TCF3: variants seen among roughly 807,000 people sequenced by gnomAD.
TCF3 encodes the protein transcription factor 3, also known as transcription factor E2-alpha.
Under a neutral mutation model 72.3 loss-of-function variants are expected in TCF3, and 54 were observed. The observed-to-expected ratio is 0.75, with a 90% CI of 0.60 to 0.94. The LOEUF is 0.94. Among genes scored for constraint, TCF3 ranks in the 40% least tolerant of loss-of-function variants. The pLI is 0.00. For missense variants in TCF3, 1,078 were observed against 934.4 expected (o/e 1.15, Z -2.00); for synonymous variants, 525 against 412.6 (o/e 1.27, Z -3.30).
In TCF3 at chr19:1,621,201, A is replaced by T; in HGVS notation, c.956-10T>A. On this transcript the variant is annotated splice_polypyrimidine_tract_variant and intron_variant, in intron 11 of 18. Coordinates refer to ENST00000262965, the MANE Select transcript of TCF3 (RefSeq NM_003200.5). ...GTGGTCCCTCGGGAGCCTGTGGGTG[A>T]AGAGAGGTGAGGCCCACGCAGCCCG... 6.5e-7 allele frequency: 1 copy of T among 1,534,656 alleles called. No homozygotes were observed. Among genetic ancestry groups the T allele is most frequent in the Non-Finnish European group, 8.7e-7 (1 of 1,145,824 alleles).
chr19:1,646,250 T>G, intron 3 of TCF3, 105 bp downstream of exon 3: 4 of 1,241,912 alleles, frequency 3.2e-6, no homozygotes, highest in Non-Finnish European at 4.5e-6. Flanking sequence ...CCTTTCCCCA[T>G]TGTCTCCCTC....
chr19:1,638,863 G>C (rs747223181), intron 3 of TCF3, among the ~76,000 whole-genome samples: 1 of 152,176 alleles, frequency 6.6e-6, no homozygotes, highest in Non-Finnish European at 1.5e-5. Flanking sequence ...TAAGACGATG[G>C]AAGGAAAAGC....
At chr19:1,626,022 C>T (rs1228029816) in intron 6 of TCF3, among the ~76,000 whole-genome samples, 1 of 152,192 alleles carries the variant, frequency 6.6e-6, no homozygotes, top group Non-Finnish European at 1.5e-5. Flanking sequence ...TCTGTGCACC[C>T]GGCTGCTTCC....
chr19:1,642,767 C>A (rs1433442357), intron 3 of TCF3, among the ~76,000 whole-genome samples: 1 of 152,162 alleles, frequency 6.6e-6, no homozygotes, highest in Non-Finnish European at 1.5e-5. Context: ...CCACCGCGCC[C>A]GGTCACAAGG....
chr19:1,630,896 T>C (rs1239257037), intron 5 of TCF3, among the ~76,000 whole-genome samples: 1 of 152,126 alleles, frequency 6.6e-6, no homozygotes, highest in Non-Finnish European at 1.5e-5. Flanking sequence ...GCTCGGGGCA[T>C]TTCCTGTGTC....
At chr19:1,645,209 G>A (rs936067092) in intron 3 of TCF3, among the ~76,000 whole-genome samples, 1 of 152,052 alleles carries the variant, frequency 6.6e-6, no homozygotes, top group Non-Finnish European at 1.5e-5. Flanking sequence ...ATAACTGCAG[G>A]ACGGCGCTTT....
At position 1,621,051 on chromosome 19, in the gene TCF3, G is replaced by A. The variant is rs777550040; in HGVS notation, c.1015-5C>T. 103 of 1,522,514 alleles carry A rather than the reference G, an allele frequency of 6.8e-5. No homozygotes were observed. In the Middle Eastern group the frequency reaches 1.4e-3, roughly 20 times the overall value. 94.3% of individuals were successfully genotyped at this position (1,522,514 alleles called of 1,614,324 possible). A position where few individuals can be genotyped will look rare whatever the true frequency, so the allele number is the denominator to read the frequency against. ...TGAGTGATCCGGGGAGTAGATCTGC[G>A]AGGAGGACCAGGAGAGATGGGCGGT... On this transcript the variant is annotated splice_region_variant and splice_polypyrimidine_tract_variant and intron_variant, in intron 12 of 18. Transcript: ENST00000262965.
In TCF3 at chr19:1,619,291, A is replaced by G. The variant is rs200877539; in HGVS notation, c.1326+25T>C. ...GGAGCCGGGTCCCCGCCCACTGCCC[A>G]GCTCCACCCTCGCCCAGCGCTCACC... On this transcript the variant is annotated intron_variant, in intron 15 of 18. Coordinates refer to ENST00000262965, the MANE Select transcript of TCF3 (RefSeq NM_003200.5). 7.1e-4 allele frequency: 1,120 copies of G among 1,568,446 alleles called. 1 individual carries two copies. Among genetic ancestry groups the G allele is most frequent in the Non-Finnish European group, 8.9e-4 (1,037 of 1,163,350 alleles).
At chr19:1,651,588 T>C (rs2145834244) in intron 1 of TCF3, among the ~76,000 whole-genome samples, 1 of 152,222 alleles carries the variant, frequency 6.6e-6, no homozygotes, top group Non-Finnish European at 1.5e-5. Context: ...CCAAGGACTT[T>C]GAGAGACTTG....
At chr19:1,640,990 A>C (rs2065155136) in intron 3 of TCF3, among the ~76,000 whole-genome samples, 1 of 151,998 alleles carries the variant, frequency 6.6e-6, no homozygotes, top group Non-Finnish European at 1.5e-5. Context: ...CTCTACTAAA[A>C]CTACAAAAAA....
intron 7 of TCF3, among the ~76,000 whole-genome samples, chr19:1,624,643 G>A (rs2062660959): frequency 6.6e-6 from 1 of 152,156 alleles, no homozygotes; most frequent in Admixed American, 6.5e-5. Context: ...CTCGCCTACA[G>A]GATAAAATCC....
chr19:1,620,698 C>G (rs2062083717), intron 13 of TCF3, among the ~76,000 whole-genome samples: 1 of 152,178 alleles, frequency 6.6e-6, no homozygotes, highest in Non-Finnish European at 1.5e-5. Flanking sequence ...GGAGGGCTGG[C>G]TTGGAGGCTG....
chr19:1,617,448 G>A (rs1271846274), intron 16 of TCF3, among the ~76,000 whole-genome samples: 3 of 152,366 alleles, frequency 2.0e-5, no homozygotes, highest in African/African-American at 4.8e-5. Flanking sequence ...GTGGCTTAAG[G>A]GTACACAGTG....
chr19:1,635,737 A>G lies in TCF3; in HGVS notation c.146-3332T>C, dbSNP rs112178296. On this transcript the variant is annotated intron_variant, in intron 3 of 18. Transcript: ENST00000262965. ...ACGTGGCCAGCATTTTTTCAAGCAC[A>G]TTAAAAATTACATTTAAAAATGTGT... 5.1e-3 allele frequency among the ~76,000 whole-genome samples: 777 copies of G among 152,336 alleles called. 3 individuals are homozygous for G. Among genetic ancestry groups the G allele is most frequent in the African/African-American group, 0.017 (696 of 41,572 alleles).
In TCF3 at chr19:1,611,620, TG is replaced by T; in HGVS notation, c.*86del. Reference sequence around the variant, plus strand: ...ACAACAGGTGTGTGAGGTGTGGATGTGGATGAAGCCCGGGGTCTCGAGTGGC... The same window carrying T: ...ACAACAGGTGTGTGAGGTGTGGATGTGATGAAGCCCGGGGTCTCGAGTGGC... On this transcript the variant is annotated 3_prime_UTR_variant, in exon 19 of 19. Coordinates refer to ENST00000262965, the MANE Select transcript of TCF3 (RefSeq NM_003200.5). The T allele has an allele frequency of 6.6e-7, 1 of 1,516,364 alleles. No homozygotes were observed. Among genetic ancestry groups the T allele is most frequent in the South Asian group, 1.3e-5 (1 of 78,360 alleles). The allele number at this position is 1,516,364 out of a possible 1,614,324, so 93.9% of individuals were successfully genotyped here.
intron 5 of TCF3, chr19:1,631,810 TAC>T: frequency 2.6e-6 from 3 of 1,175,288 alleles, no homozygotes; most frequent in Non-Finnish European, 3.6e-6. Context: ...TCCCTGCCTC[TAC>T]GCTCAGGCGG....
rs1458537272 is a variant in TCF3, at chr19:1,621,185, C to T, written c.962G>A (p.Arg321Gln). 9 of 1,536,268 alleles carry T rather than the reference C, an allele frequency of 5.9e-6. No homozygotes were observed. Among genetic ancestry groups the T allele is most frequent in the Admixed American group, 3.9e-5 (2 of 50,938 alleles). Residue 321 changes from arginine to glutamine, a missense_variant, in exon 12 of 19, where the codon CGA becomes CAA. Arg to Gln is a conservative substitution (Grantham distance 43). Coordinates refer to ENST00000262965, the MANE Select transcript of TCF3 (RefSeq NM_003200.5). ...CCCGGAGCTGCCAGCTGTGGTCCCT[C>T]GGGAGCCTGTGGGTGAAGAGAGGTG... ...VSGADSLLGS[R>Q]GTTAGSSGDA...
At chr19:1,631,030 G>A (rs979140830) in intron 5 of TCF3, among the ~76,000 whole-genome samples, 3 of 152,210 alleles carry the variant, frequency 2.0e-5, no homozygotes, top group Non-Finnish European at 2.9e-5. Flanking sequence ...CCCAAGCGTC[G>A]GTTCGTTCCC....
Position 1,623,939 on chromosome 19 carries a change from C to T in TCF3, c.549+12G>A, listed in dbSNP as rs371810085. The T allele has an allele frequency of 1.1e-5, 17 of 1,613,190 alleles. No individual in the cohort carries two copies. The highest frequency in any genetic ancestry group is 1.7e-4 in the Middle Eastern group (1 of 6,054). ...ACGAGCTGTGGGGTCCCTTCTCCCT[C>T]GTGCGACTCACCGAGGATGGAAGAC... On this transcript the variant is annotated intron_variant, in intron 8 of 18. Coordinates refer to ENST00000262965, the MANE Select transcript of TCF3 (RefSeq NM_003200.5).
Sources: allele counts gnomAD v4.1 joint callset (sites outside exome capture counted in the v4.1 genomes callset), GRCh38; gene constraint gnomAD v4.1.1; transcripts MANE v1.5; gene names NCBI Gene and HGNC (gene_info 2026-07-23, HGNC 2026-07-21).